The following ITSN2 variants were observed in gnomAD, a reference collection of about 807,000 sequenced individuals.
The protein encoded by ITSN2 is intersectin 2.
ITSN2 carries 156 observed loss-of-function variants against 243.7 expected under a neutral mutation model. The ratio of observed to expected loss-of-function variants is 0.64; its 90% confidence interval spans 0.56 to 0.73. The LOEUF (loss-of-function observed/expected upper bound fraction) is 0.73. Among genes scored for constraint, ITSN2 ranks in the 30% least tolerant of loss-of-function variants. ITSN2 has a pLI of 0.00. For missense variants in ITSN2, 1,801 were observed against 1,996.1 expected (o/e 0.90, Z 1.86); for synonymous variants, 703 against 699.9 (o/e 1.00, Z -0.07).
chr2:24,203,864 CATAAAACCTTCAAAT>C, intron 39 of ITSN2, 81 bp from the exon 40 acceptor site: 1 of 1,416,430 alleles, frequency 7.1e-7, no homozygotes, highest in South Asian at 1.3e-5. Context: ...GAAGTGGATT[CATAAAACCTTCAAAT>C]CTGAAACAAG....
intron 1 of ITSN2, among the ~76,000 whole-genome samples, chr2:24,337,333 T>TATATATATATATATATAC (rs1686533391): frequency 9.3e-6 from 1 of 107,786 alleles, no homozygotes; most frequent in South Asian, 2.8e-4. Context: ...TATATATATA[T>TATATATATATATATATAC]ATATATATAT....
chr2:24,222,001 C>T (rs1573903871), intron 29 of ITSN2, among the ~76,000 whole-genome samples: 1 of 152,194 alleles, frequency 6.6e-6, no homozygotes, highest in African/African-American at 2.4e-5. Flanking sequence ...GGGAGTAATC[C>T]CAGCACTTTG....
At chr2:24,336,851 A>C (rs1014239947) in intron 1 of ITSN2, among the ~76,000 whole-genome samples, 1 of 152,152 alleles carries the variant, frequency 6.6e-6, no homozygotes, top group Non-Finnish European at 1.5e-5. Context: ...CAAAGAAAAC[A>C]CTCGATAAAC....
rs1359679599 is a variant in ITSN2 at position 24,349,136 on chromosome 2, T to C, written c.-34+11168A>G. ...ATAATCATCATCATCATCATCATTA[T>C]CATCATCATCAATATGCAATGAGAA... On this transcript the variant is annotated intron_variant, in intron 1 of 39. Coordinates refer to ENST00000355123, the MANE Select transcript of ITSN2 (RefSeq NM_006277.3). Among the ~76,000 whole-genome samples, 3 of 152,060 alleles carry C rather than the reference T, an allele frequency of 2.0e-5. No individual in the cohort carries two copies. In the East Asian group the frequency reaches 5.8e-4, roughly 29 times the overall value.
intron 1 of ITSN2, among the ~76,000 whole-genome samples, chr2:24,345,001 T>A (rs1687391820): frequency 6.6e-6 from 1 of 152,206 alleles, no homozygotes; most frequent in Non-Finnish European, 1.5e-5. Context: ...TGTATTAATA[T>A]ATTTTAATTA....
chr2:24,282,335 G>A (rs541283927), intron 17 of ITSN2, among the ~76,000 whole-genome samples: 2 of 152,338 alleles, frequency 1.3e-5, no homozygotes, highest in South Asian at 4.1e-4. Context: ...GGCCAGAGCA[G>A]TGAGAAATCA....
chr2:24,308,652 T>A lies in ITSN2; in HGVS notation c.758A>T (p.Asn253Ile), dbSNP rs1447763409. 1 of 1,538,694 alleles carries A rather than the reference T, an allele frequency of 6.5e-7. No individual in the cohort carries two copies. Among genetic ancestry groups the A allele is most frequent in the Non-Finnish European group, 8.8e-7 (1 of 1,137,800 alleles). The change falls in exon 8 of 40, where the codon AAT becomes ATT. Residue 253 changes from asparagine to isoleucine, a missense_variant. Coordinates refer to ENST00000355123, the MANE Select transcript of ITSN2 (RefSeq NM_006277.3). ...PTRLKYRQKFNTLDKSMSGYL... is the reference protein window; with the variant it reads ...PTRLKYRQKFITLDKSMSGYL... ...TCCACTCATACTTTTGTCAAGAGTA[T>A]TAAATTTTTGCCGATATTTTAATCT...
At chr2:24,348,415 C>G (rs1342779430) in intron 1 of ITSN2, among the ~76,000 whole-genome samples, 1 of 151,986 alleles carries the variant, frequency 6.6e-6, no homozygotes, top group African/African-American at 2.4e-5. Flanking sequence ...GTCTCGAACT[C>G]CTGACCTCAA....
upstream of ITSN2, chr2:24,360,680 C>G (rs1325417932): frequency 6.6e-6 from 1 of 152,344 alleles, no homozygotes; most frequent in East Asian, 1.9e-4. Flanking sequence ...GCATTGAACC[C>G]TGAAGGTCTG....
At chr2:24,205,361 A>G in intron 37 of ITSN2, 64 bp from the exon 38 acceptor site, 1 of 1,353,226 alleles carries the variant, frequency 7.4e-7, no homozygotes, top group Non-Finnish European at 1.1e-6. Context: ...TGTCTTTCAA[A>G]CCAACCATAA....
intron 25 of ITSN2, among the ~76,000 whole-genome samples, 184 bp downstream of exon 25, chr2:24,252,161 C>T (rs1265010797): frequency 6.6e-6 from 1 of 152,090 alleles, no homozygotes; most frequent in Admixed American, 6.5e-5. Flanking sequence ...TATAATAAAC[C>T]CTATTTTACC....
chr2:24,330,743 T>C (rs1487883958), intron 1 of ITSN2: 3 of 576,872 alleles, frequency 5.2e-6, no homozygotes, highest in Non-Finnish European at 9.5e-6. Context: ...TTTATCAAGT[T>C]TTATAAAAAA....
intron 30 of ITSN2, among the ~76,000 whole-genome samples, chr2:24,219,260 C>T (rs935096462): frequency 2.0e-5 from 3 of 152,228 alleles, no homozygotes; most frequent in African/African-American, 7.2e-5. Flanking sequence ...TCTTTCATCT[C>T]TGTTCTCTGG....
chr2:24,331,366 C>T (rs1342558353), intron 1 of ITSN2, among the ~76,000 whole-genome samples: 2 of 152,132 alleles, frequency 1.3e-5, no homozygotes, highest in South Asian at 2.1e-4. Context: ...AGCCACTGTG[C>T]CCAGCCTACT....
intron 1 of ITSN2, among the ~76,000 whole-genome samples, chr2:24,339,448 G>A (rs188965936): frequency 2.0e-5 from 3 of 149,422 alleles, no homozygotes; most frequent in Non-Finnish European, 4.4e-5. Flanking sequence ...TCCAGCCTGA[G>A]CGACAGAGTG....
At chr2:24,337,218 CT>C (rs1183042158) in intron 1 of ITSN2, among the ~76,000 whole-genome samples, 3 of 146,778 alleles carry the variant, frequency 2.0e-5, no homozygotes, top group African/African-American at 7.5e-5. Flanking sequence ...GACGAATGGT[CT>C]GACATTCAAA....
chr2:24,300,051 T>C lies in ITSN2; in HGVS notation c.1202A>G (p.Lys401Arg). Residue 401 changes from lysine (K) to arginine (R), a missense_variant, in exon 12 of 40, where the codon AAG becomes AGG. Physicochemically the swap from Lys to Arg is conservative, Grantham distance 26. Coordinates refer to ENST00000355123, the MANE Select transcript of ITSN2 (RefSeq NM_006277.3). ...REAERKAQKE[K>R]EEWERKQREL... ...TCTCTGTTTTCGTTCCCACTCTTCC[T>C]TTTCTTTCTGGGCTTTACGTTCTGC... 6.2e-7 allele frequency: 1 copy of C among 1,614,214 alleles called. No homozygotes were observed. Among genetic ancestry groups the C allele is most frequent in the Non-Finnish European group, 8.5e-7 (1 of 1,180,032 alleles).
In ITSN2 at chr2:24,343,712, A is replaced by G. The variant is rs142264948; in HGVS notation, c.-33-15597T>C. On this transcript the variant is annotated intron_variant, in intron 1 of 39. Transcript: ENST00000355123. ...GTCTCTCAATACAGGCTGATAGCAT[A>G]ATACCAATAAGATGCGGTTTAGAGA... is the stretch of plus-strand genomic sequence containing the variant. 4.6e-5 allele frequency among the ~76,000 whole-genome samples: 7 copies of G among 152,304 alleles called. No homozygotes were observed. The East Asian group carries it at 1.4e-3, about 29-fold the overall frequency.
intron 1 of ITSN2, among the ~76,000 whole-genome samples, chr2:24,337,648 CTTTTTTT>C (rs751387126): frequency 2.0e-4 from 24 of 117,696 alleles, no homozygotes; most frequent in African/African-American, 6.3e-5. Context: ...CCACGCCTGG[CTTTTTTT>C]TTTTTTTTTT....
Sources: allele counts gnomAD v4.1 joint callset (sites outside exome capture counted in the v4.1 genomes callset), GRCh38; gene constraint gnomAD v4.1.1; transcripts MANE v1.5; gene names NCBI Gene and HGNC (gene_info 2026-07-23, HGNC 2026-07-21).